Variants in DNM3 observed in about 807,000 individuals in gnomAD.
DNM3 encodes the protein dynamin-3.
In DNM3, 47 loss-of-function variants were observed where a neutral mutation model predicts 101.6. The observed-to-expected ratio is 0.46, with a 90% CI of 0.37 to 0.59. The LOEUF (loss-of-function observed/expected upper bound fraction) is 0.59. DNM3 is among the 20% of genes least tolerant of loss of function. The probability of loss-of-function intolerance (pLI) is 0.00; values close to 1 mark genes in which losing one functional copy is unlikely to be tolerated. For synonymous variants in DNM3, 385 were observed against 387.9 expected, an observed-to-expected ratio of 0.99 and a Z score of 0.09; for missense variants, 849 against 1,085.7, an observed-to-expected ratio of 0.78 and a Z score of 3.06.
chr1:172,287,344 AC>A (rs2063740001), intron 15 of DNM3, among the ~76,000 whole-genome samples: 1 of 152,016 alleles, frequency 6.6e-6, no homozygotes, highest in Admixed American at 6.6e-5. Flanking sequence ...CATAAATAAG[AC>A]CCCCACAGTT....
rs2054005437 is a variant in DNM3 at position 172,092,883 on chromosome 1, T to A, written c.1545+8T>A. ...ACCACAGTTGGAAATCAGGTAGGAA[T>A]TGCATAAGAGAATCAGTGTATGCAT... On this transcript the variant is annotated splice_region_variant and intron_variant, in intron 13 of 20. Coordinates refer to ENST00000627582, the MANE Select transcript of DNM3 (RefSeq NM_015569.5). 6.4e-7 allele frequency: 1 copy of A among 1,556,486 alleles called. No individual in the cohort carries two copies. The highest frequency in any genetic ancestry group is 8.7e-7 in the Non-Finnish European group (1 of 1,149,066).
chr1:172,194,511 C>T (rs1227813745), intron 14 of DNM3, among the ~76,000 whole-genome samples: 4 of 152,040 alleles, frequency 2.6e-5, no homozygotes, highest in Admixed American at 1.3e-4. Flanking sequence ...CTTTTTAGGT[C>T]TCTAAGGACT....
intron 15 of DNM3, among the ~76,000 whole-genome samples, chr1:172,256,292 G>A (rs1225939128): frequency 1.3e-5 from 2 of 151,874 alleles, no homozygotes; most frequent in African/African-American, 4.8e-5. Context: ...ACTATTAGCT[G>A]ACTGTTTGGT....
chr1:172,073,885 C>CG (rs1475713567), intron 11 of DNM3, among the ~76,000 whole-genome samples: 2 of 152,162 alleles, frequency 1.3e-5, no homozygotes, highest in African/African-American at 4.8e-5. Context: ...ATAATACCTT[C>CG]TTTTTTGCAG....
intron 15 of DNM3, among the ~76,000 whole-genome samples, chr1:172,280,615 A>AT (rs1165436642): frequency 3.9e-5 from 6 of 152,222 alleles, no homozygotes; most frequent in East Asian, 1.9e-4. Flanking sequence ...GTACTGAATA[A>AT]TTACATGGCA....
chr1:171,920,677 C>T (rs2040086970), intron 1 of DNM3, among the ~76,000 whole-genome samples: 2 of 152,080 alleles, frequency 1.3e-5, no homozygotes, highest in East Asian at 1.9e-4. Context: ...TTGAATTCTT[C>T]GACATTGCAG....
intron 15 of DNM3, among the ~76,000 whole-genome samples, chr1:172,302,648 T>G (rs1573371433): frequency 6.6e-6 from 1 of 152,068 alleles, no homozygotes; most frequent in South Asian, 2.1e-4. Flanking sequence ...TACAGGCAGG[T>G]GCCCCTCTGG....
intron 4 of DNM3, among the ~76,000 whole-genome samples, chr1:171,991,662 G>A (rs139867676): frequency 6.4e-4 from 98 of 152,272 alleles, no homozygotes; most frequent in African/African-American, 2.2e-3. Flanking sequence ...AGCTATTGGT[G>A]ATCAACTTAA....
intron 17 of DNM3, among the ~76,000 whole-genome samples, chr1:172,338,061 C>G (rs1558014229): frequency 6.6e-6 from 1 of 151,670 alleles, no homozygotes; most frequent in African/African-American, 2.4e-5. Flanking sequence ...GGACCACAGG[C>G]GCCCGCCACC....
intron 1 of DNM3, among the ~76,000 whole-genome samples, chr1:171,896,377 G>A (rs961409889): frequency 3.3e-5 from 5 of 151,992 alleles, no homozygotes; most frequent in African/African-American, 7.3e-5. Context: ...TTGGATTCCT[G>A]GGTATTTTAT....
intron 15 of DNM3, among the ~76,000 whole-genome samples, chr1:172,275,151 C>T (rs969330576): frequency 3.9e-5 from 6 of 151,982 alleles, no homozygotes; most frequent in Non-Finnish European, 7.4e-5. Context: ...AGTGTGGGCT[C>T]ATCAGGTAGA....
rs761230357 is a variant in DNM3 at position 172,388,788 on chromosome 1, G to A, written c.2501G>A (p.Arg834Lys). The change falls in exon 20 of 21, where the codon AGG becomes AAG. Residue 834 changes from arginine (R) to lysine (K), a missense_variant. This residue lies in a region of DNM3 where 256 missense variants were observed against 311.7 expected (regional missense o/e 0.82). Coordinates refer to ENST00000627582, the MANE Select transcript of DNM3 (RefSeq NM_015569.5). ...APPQVPSRPT[R>K]APPSVPSRRP... ...CCACAAGTTCCATCTAGGCCTACGA[G>A]GGCCCCGCCCAGTGTCCCAAGGTAA... The A allele has an allele frequency of 6.3e-7, 1 of 1,591,434 alleles. No homozygotes were observed. Among genetic ancestry groups the A allele is most frequent in the South Asian group, 1.1e-5 (1 of 87,578 alleles).
At chr1:172,350,680 TA>T (rs1297687261) in intron 17 of DNM3, among the ~76,000 whole-genome samples, 6 of 152,140 alleles carry the variant, frequency 3.9e-5, no homozygotes, top group Admixed American at 2.0e-4. Flanking sequence ...TCACTCACAT[TA>T]AAAGTGCTCT....
chr1:172,397,089 G>T (rs1436423606), intron 20 of DNM3: 2 of 152,572 alleles, frequency 1.3e-5, no homozygotes, highest in Admixed American at 6.5e-5. Flanking sequence ...ACACCAGAAA[G>T]TCTGCCCCAC....
intron 13 of DNM3, among the ~76,000 whole-genome samples, chr1:172,127,385 CTTATTATTATTA>C (rs60339425): frequency 5.7e-4 from 78 of 137,672 alleles, no homozygotes; most frequent in East Asian, 1.5e-3. Context: ...TTACTCTCTA[CTTATTATTATTA>C]TTATTATTAT....
intron 17 of DNM3, among the ~76,000 whole-genome samples, chr1:172,328,570 T>C (rs148270813): frequency 2.6e-5 from 4 of 152,048 alleles, no homozygotes; most frequent in Non-Finnish European, 4.4e-5. Context: ...TTCTCACTTG[T>C]AAGTGGGAGC....
intron 14 of DNM3, among the ~76,000 whole-genome samples, chr1:172,188,433 C>T (rs762367311): frequency 2.6e-5 from 4 of 152,124 alleles, no homozygotes; most frequent in Non-Finnish European, 1.5e-5. Context: ...GCTGTCATGA[C>T]GAAAGCACCA....
chr1:171,965,201 A>G (rs1301836063), intron 2 of DNM3, among the ~76,000 whole-genome samples: 1 of 152,038 alleles, frequency 6.6e-6, no homozygotes, highest in African/African-American at 2.4e-5. Flanking sequence ...ATTTGCTATA[A>G]CAGCTCATGT....
chr1:171,954,475 C>A (rs773061745), intron 2 of DNM3, among the ~76,000 whole-genome samples: 28 of 152,292 alleles, frequency 1.8e-4, no homozygotes, highest in South Asian at 6.2e-4. Flanking sequence ...TCTTTAATTT[C>A]TGGATGCAAA....
Sources: allele counts gnomAD v4.1 joint callset (sites outside exome capture counted in the v4.1 genomes callset), GRCh38; gene constraint gnomAD v4.1.1; regional missense constraint gnomAD v4.1.1; transcripts MANE v1.5; gene names NCBI Gene and HGNC (gene_info 2026-07-23, HGNC 2026-07-21).